Variants in SPRY3 observed in about 807,000 individuals in gnomAD.
The protein encoded by SPRY3 is protein sprouty homolog 3.
SPRY3 carries 15 observed loss-of-function variants against 20.2 expected under a neutral mutation model. That is an observed-to-expected ratio of 0.74 (90% confidence interval 0.50 to 1.14). The LOEUF is 1.14. SPRY3 is among the 50% of genes most tolerant of loss of function. The pLI is 0.00. For synonymous variants in SPRY3, 143 were observed against 136.5 expected (o/e 1.05, Z -0.33); for missense variants, 364 against 363.9 (o/e 1.00, Z 0.00).
chrX:155,648,494 T>A (rs781848184), intron 1 of SPRY3, among the ~76,000 whole-genome samples: 1 of 112,643 alleles, frequency 8.9e-6, no homozygotes, highest in Non-Finnish European at 1.9e-5. Context: ...AAGGAAGGGG[T>A]CCAGTTTCAG....
intron 1 of SPRY3, among the ~76,000 whole-genome samples, chrX:155,638,742 A>G (rs1319575154): frequency 9.0e-6 from 1 of 111,177 alleles, no homozygotes; most frequent in Non-Finnish European, 1.9e-5. Flanking sequence ...CATCAATACG[A>G]TAGTGCTAGA....
At chrX:155,692,189 T>G (rs2068104832) in intron 2 of SPRY3, among the ~76,000 whole-genome samples, 1 of 110,864 alleles carries the variant, frequency 9.0e-6, no homozygotes, top group Non-Finnish European at 1.9e-5. Context: ...CAGCTTTATA[T>G]TTTACATTTA....
chrX:155,724,812 C>A (rs1031274485), intron 2 of SPRY3, among the ~76,000 whole-genome samples: 1 of 152,156 alleles, frequency 6.6e-6, no homozygotes, highest in African/African-American at 2.4e-5. Context: ...CCATTTATTT[C>A]TTTCTCTTGC....
chrX:155,641,051 C>T (rs1178811558), intron 1 of SPRY3, among the ~76,000 whole-genome samples: 1 of 111,506 alleles, frequency 9.0e-6, no homozygotes. Context: ...ATGATACTAG[C>T]TGTGGGTATG....
At chrX:155,693,132 G>A (rs750329124) in intron 2 of SPRY3, among the ~76,000 whole-genome samples, 6 of 109,367 alleles carry the variant, frequency 5.5e-5, no homozygotes, top group East Asian at 2.9e-4. Flanking sequence ...TTTGATTTTC[G>A]TTCTAACTAC....
intron 2 of SPRY3, among the ~76,000 whole-genome samples, chrX:155,735,362 G>A (rs1488134553): frequency 3.3e-5 from 5 of 151,960 alleles, no homozygotes; most frequent in Non-Finnish European, 7.4e-5. Flanking sequence ...AGTGCTTTCA[G>A]TCCAATTATA....
At chrX:155,671,015 T>C in intron 2 of SPRY3, among the ~76,000 whole-genome samples, 1 of 111,915 alleles carries the variant, frequency 8.9e-6, no homozygotes, top group Non-Finnish European at 1.9e-5. Context: ...TCCATGTAAA[T>C]ACATTTGCCA....
intron 2 of SPRY3, among the ~76,000 whole-genome samples, chrX:155,721,488 T>C (rs2091057546): frequency 6.6e-6 from 1 of 151,994 alleles, no homozygotes; most frequent in Admixed American, 6.6e-5. Flanking sequence ...CAAAGAAGAC[T>C]ACCTCAATGC....
chrX:155,666,175 A>G lies in SPRY3; in HGVS notation c.-282+9150A>G, dbSNP rs143022581. On this transcript the variant is annotated intron_variant, in intron 2 of 3. Coordinates refer to ENST00000675360, the Ensembl canonical transcript of SPRY3. Reference sequence around the variant, plus strand: ...AAGGAGAATCAAGGAGGGAAATGTAACTGGAGGAGACTGATCAATGAGATG... The same window carrying G: ...AAGGAGAATCAAGGAGGGAAATGTAGCTGGAGGAGACTGATCAATGAGATG... Among the ~76,000 whole-genome samples, 238 of 111,764 alleles carry G rather than the reference A, an allele frequency of 2.1e-3. 3 individuals carry two copies. The highest frequency in any genetic ancestry group is 7.4e-3 in the African/African-American group (228 of 30,853).
intron 2 of SPRY3, among the ~76,000 whole-genome samples, chrX:155,714,761 T>C (rs1274690142): frequency 2.6e-5 from 4 of 152,160 alleles, no homozygotes; most frequent in Non-Finnish European, 5.9e-5. Flanking sequence ...TGTTCTATTC[T>C]ACTGTGGCTA....
At chrX:155,774,692 C>G in exon 4 of SPRY3, 2 of 1,613,924 alleles carry the variant, frequency 1.2e-6, no homozygotes, top group South Asian at 1.1e-5. Context: ...AGAAAGATCT[C>G]TTCTGGTAGT....
intron 2 of SPRY3, among the ~76,000 whole-genome samples, chrX:155,758,913 G>C (rs897950766): frequency 3.9e-5 from 6 of 152,046 alleles, no homozygotes; most frequent in African/African-American, 1.4e-4. Flanking sequence ...ATATAAATAA[G>C]TCATGCAATG....
intron 1 of SPRY3, among the ~76,000 whole-genome samples, chrX:155,616,017 C>T (rs1033829978): frequency 1.1e-4 from 12 of 109,378 alleles, no homozygotes; most frequent in Non-Finnish European, 1.9e-4. Context: ...AGTTAGGCCT[C>T]AAGAATCGTC....
chrX:155,705,776 T>C (rs1468644260), intron 2 of SPRY3, among the ~76,000 whole-genome samples: 2 of 151,290 alleles, frequency 1.3e-5, no homozygotes, highest in Non-Finnish European at 3.0e-5. Flanking sequence ...TAGAGAGACA[T>C]ACATGATGAT....
At chrX:155,620,530 G>A (rs1482166263) in intron 1 of SPRY3, among the ~76,000 whole-genome samples, 1 of 111,570 alleles carries the variant, frequency 9.0e-6, no homozygotes, top group Non-Finnish European at 1.9e-5. Context: ...AGCAACAAAC[G>A]TAGATGAACC....
chrX:155,661,557 G>A lies in SPRY3; in HGVS notation c.-282+4532G>A, dbSNP rs184063352. Among the ~76,000 whole-genome samples the A allele has an allele frequency of 1.4e-4, 16 of 111,380 alleles. No individual in the cohort carries two copies. The East Asian group carries it at 2.8e-3, about 20-fold the overall frequency. On this transcript the variant is annotated intron_variant, in intron 2 of 3. Coordinates refer to ENST00000675360, the Ensembl canonical transcript of SPRY3. ...CTTCCAGGAATTCTTTAAGATTATC[G>A]TATCTGGATGTATAAATCTCTAACA...
In SPRY3 at chrX:155,728,675, T is replaced by C. The variant is rs2091115166; in HGVS notation, c.-281-39287T>C. On this transcript the variant is annotated intron_variant, in intron 2 of 3. Coordinates refer to ENST00000675360, the Ensembl canonical transcript of SPRY3. ...TGCTAAGACCATGGGAAAAGCACAGTATTTGGGCGGGAGTGTTTCATTTTT... is the reference window on the plus strand; with the variant it reads ...TGCTAAGACCATGGGAAAAGCACAGCATTTGGGCGGGAGTGTTTCATTTTT... Among the ~76,000 whole-genome samples, 4 of 152,284 alleles carry C rather than the reference T, an allele frequency of 2.6e-5. No individual in the cohort carries two copies. The South Asian group carries it at 8.3e-4, about 32-fold the overall frequency.
intron 1 of SPRY3, among the ~76,000 whole-genome samples, chrX:155,643,994 A>G (rs1277217922): frequency 9.0e-6 from 1 of 110,775 alleles, no homozygotes; most frequent in African/African-American, 3.3e-5. Flanking sequence ...ATGATTTCTT[A>G]TTGTTCACTA....
At chrX:155,635,237 T>A (rs5940550) in intron 1 of SPRY3, among the ~76,000 whole-genome samples, 1 of 111,469 alleles carries the variant, frequency 9.0e-6, no homozygotes, top group South Asian at 3.8e-4. Context: ...TATGGCTGCA[T>A]AGTATTCCAT....
Sources: gnomAD v4.1 joint callset for allele counts (sites outside exome capture counted in the v4.1 genomes callset) on GRCh38, gnomAD v4.1.1 for gene constraint, MANE v1.5 for transcripts, NCBI Gene and HGNC (gene_info 2026-07-23, HGNC 2026-07-21) for gene names.